Variants in CADM2 observed in about 807,000 individuals in gnomAD.
The protein encoded by CADM2 is cell adhesion molecule 2, also known as immunoglobulin superfamily member 4D.
In CADM2, 12 loss-of-function variants were observed where a neutral mutation model predicts 49.8. The observed-to-expected ratio is 0.24, with a 90% CI of 0.15 to 0.39. The LOEUF is 0.39. Among genes scored for constraint, CADM2 ranks in the 10% least tolerant of loss-of-function variants. The pLI is 1.00. For synonymous variants in CADM2, 214 were observed against 175.4 expected (o/e 1.22, Z -1.74); for missense variants, 378 against 492.3 (o/e 0.77, Z 2.20).
intron 2 of CADM2, among the ~76,000 whole-genome samples, chr3:85,788,064 CT>C (rs1287320920): frequency 6.6e-6 from 1 of 151,936 alleles, no homozygotes; most frequent in African/African-American, 2.4e-5. Flanking sequence ...TTTATGTGTG[CT>C]TTTTTGTTTT....
chr3:86,015,430 T>C (rs1732097096), intron 8 of CADM2, among the ~76,000 whole-genome samples: 1 of 152,228 alleles, frequency 6.6e-6, no homozygotes, highest in African/African-American at 2.4e-5. Flanking sequence ...GATCTCTACT[T>C]GTTGGGTGTT....
chr3:85,661,705 T>A lies in CADM2; in HGVS notation c.62-64817T>A, dbSNP rs187491652. Among the ~76,000 whole-genome samples the A allele has an allele frequency of 2.5e-4, 38 of 152,138 alleles. No individual in the cohort carries two copies. In the East Asian group the frequency reaches 7.0e-3, roughly 28 times the overall value. Reference sequence around the variant, plus strand: ...CTTCATACTCAAAGTGAAAGACCACTAGCTCAAATAACCAGATGAAGAGAA... The same window carrying A: ...CTTCATACTCAAAGTGAAAGACCACAAGCTCAAATAACCAGATGAAGAGAA... On this transcript the variant is annotated intron_variant, in intron 1 of 9. Coordinates refer to ENST00000383699, the MANE Select transcript of CADM2 (RefSeq NM_001167675.2).
intron 1 of CADM2, among the ~76,000 whole-genome samples, chr3:85,646,731 G>T (rs1273300493): frequency 1.3e-5 from 2 of 151,940 alleles, no homozygotes; most frequent in East Asian, 3.9e-4. Flanking sequence ...CAGCATAGAG[G>T]TGGTCTATTT....
At chr3:85,773,101 CA>C (rs1276098818) in intron 2 of CADM2, among the ~76,000 whole-genome samples, 1 of 151,806 alleles carries the variant, frequency 6.6e-6, no homozygotes, top group Non-Finnish European at 1.5e-5. Flanking sequence ...GCCTCTTCCC[CA>C]AAGAAATTCA....
rs181284309 is a variant in CADM2, at chr3:85,577,039, T to C, written c.62-149483T>C. On this transcript the variant is annotated intron_variant, in intron 1 of 9. Transcript: ENST00000383699. ...GATGTCAAGTCCGGAAAAATATTTG[T>C]CACTACTAATGAACTGGCAAACCTT... Among the ~76,000 whole-genome samples, 94 of 152,258 alleles carry C rather than the reference T, an allele frequency of 6.2e-4. 1 individual carries two copies. The highest frequency in any genetic ancestry group is 2.1e-3 in the African/African-American group (87 of 41,546).
intron 1 of CADM2, among the ~76,000 whole-genome samples, chr3:85,207,050 A>ATGTG (rs3085116): frequency 0.1 from 14,889 of 144,838 alleles, 789 homozygotes; most frequent in African/African-American, 0.12. Flanking sequence ...GAAGAAATAA[A>ATGTG]TGTGTGTGTG....
intron 1 of CADM2, among the ~76,000 whole-genome samples, chr3:84,996,059 A>G (rs10490894): frequency 0.056 from 8,572 of 152,214 alleles, 843 homozygotes; most frequent in African/African-American, 0.19. Flanking sequence ...TCTTTCAAGC[A>G]AAATCTGGCA....
chr3:85,062,462 C>T (rs1003567577), intron 1 of CADM2, among the ~76,000 whole-genome samples: 3 of 151,606 alleles, frequency 2.0e-5, no homozygotes, highest in South Asian at 2.1e-4. Flanking sequence ...CTAAATAAAT[C>T]GGAAATATTC....
chr3:85,622,629 C>T (rs1032539185), intron 1 of CADM2, among the ~76,000 whole-genome samples: 2 of 152,100 alleles, frequency 1.3e-5, no homozygotes, highest in Admixed American at 6.6e-5. Context: ...ATCTTTTCCC[C>T]TTTAACAACT....
chr3:85,570,165 C>A (rs2062433887), intron 1 of CADM2, among the ~76,000 whole-genome samples: 1 of 152,068 alleles, frequency 6.6e-6, no homozygotes, highest in Non-Finnish European at 1.5e-5. Context: ...AGAAACATTT[C>A]CTGATATATT....
At chr3:85,325,260 A>T (rs951979560) in intron 1 of CADM2, among the ~76,000 whole-genome samples, 4 of 152,242 alleles carry the variant, frequency 2.6e-5, no homozygotes, top group South Asian at 2.1e-4. Flanking sequence ...TAAATGAGTT[A>T]ATGAACTTGA....
At chr3:85,423,911 A>ATTTGG (rs2036284412) in intron 1 of CADM2, among the ~76,000 whole-genome samples, 1 of 152,142 alleles carries the variant, frequency 6.6e-6, no homozygotes, top group East Asian at 1.9e-4. Flanking sequence ...ATCAGATTCA[A>ATTTGG]CTTTTGGCTT....
At chr3:85,501,307 A>G (rs2040106877) in intron 1 of CADM2, among the ~76,000 whole-genome samples, 1 of 152,228 alleles carries the variant, frequency 6.6e-6, no homozygotes, top group African/African-American at 2.4e-5. Context: ...ATTAGAGAAA[A>G]GATTGAGCAG....
In CADM2 at chr3:86,072,945, T is replaced by C. The variant is rs1323837738; in HGVS notation, c.*6162T>C. On this transcript the variant is annotated 3_prime_UTR_variant, in exon 10 of 10. Transcript: ENST00000383699. ...CAATTTTAATCTTTTTACAAATTTATTTAACTGTACCTACTGTACTTATTG... is the reference window on the plus strand; with the variant it reads ...CAATTTTAATCTTTTTACAAATTTACTTAACTGTACCTACTGTACTTATTG... The C allele has an allele frequency of 6.6e-6, 1 of 152,126 alleles. No homozygotes were observed. Among genetic ancestry groups the C allele is most frequent in the Non-Finnish European group, 1.5e-5 (1 of 67,972 alleles). 9.4% of individuals were successfully genotyped at this position (152,126 alleles called of 1,614,324 possible). A position where few individuals can be genotyped will look rare whatever the true frequency, so the allele number is the denominator to read the frequency against.
At chr3:85,485,625 A>T (rs900820022) in intron 1 of CADM2, among the ~76,000 whole-genome samples, 3 of 152,084 alleles carry the variant, frequency 2.0e-5, no homozygotes, top group African/African-American at 7.2e-5. Flanking sequence ...GCAAAATCAT[A>T]GTTAATTGCT....
intron 1 of CADM2, among the ~76,000 whole-genome samples, chr3:85,632,379 G>A (rs987663800): frequency 6.6e-6 from 1 of 152,020 alleles, no homozygotes; most frequent in Non-Finnish European, 1.5e-5. Context: ...GTCATTATCA[G>A]CAGTGTGAAA....
At chr3:85,233,773 A>G (rs953070981) in intron 1 of CADM2, among the ~76,000 whole-genome samples, 1 of 152,112 alleles carries the variant, frequency 6.6e-6, no homozygotes, top group Non-Finnish European at 1.5e-5. Flanking sequence ...GCAGATTATA[A>G]TGTTAATCCT....
intron 1 of CADM2, among the ~76,000 whole-genome samples, chr3:85,337,771 T>C (rs907537843): frequency 6.6e-6 from 1 of 151,508 alleles, no homozygotes; most frequent in Admixed American, 6.6e-5. Flanking sequence ...GCATGCTAAA[T>C]GAGTATTTGT....
intron 1 of CADM2, among the ~76,000 whole-genome samples, chr3:85,305,852 A>G (rs1369155167): frequency 2.0e-5 from 3 of 151,682 alleles, no homozygotes; most frequent in Admixed American, 6.6e-5. Flanking sequence ...TCTAAAACAC[A>G]TAAATACATA....
Sources: gnomAD v4.1 joint callset for allele counts (sites outside exome capture counted in the v4.1 genomes callset) on GRCh38, gnomAD v4.1.1 for gene constraint, MANE v1.5 for transcripts, NCBI Gene and HGNC (gene_info 2026-07-23, HGNC 2026-07-21) for gene names.